RCAN2: variants seen among roughly 807,000 people sequenced by gnomAD.
The protein encoded by RCAN2 is regulator of calcineurin 2.
RCAN2 carries 9 observed loss-of-function variants against 23.6 expected under a neutral mutation model. The observed-to-expected ratio is 0.38, with a 90% confidence interval of 0.23 to 0.67. RCAN2 has a LOEUF of 0.67. RCAN2 is among the 30% of genes least tolerant of loss of function. The probability of loss-of-function intolerance (pLI) is 0.51; values close to 1 mark genes in which losing one functional copy is unlikely to be tolerated. For missense variants in RCAN2, 273 were observed against 302.3 expected (o/e 0.90, Z 0.72); for synonymous variants, 109 against 115.7 (o/e 0.94, Z 0.37).
At chr6:46,329,853 C>G (rs1393438301) in intron 2 of RCAN2, among the ~76,000 whole-genome samples, 1 of 152,200 alleles carries the variant, frequency 6.6e-6, no homozygotes, top group African/African-American at 2.4e-5. Flanking sequence ...CCCTTCAGTT[C>G]AGGCAATTCT....
In RCAN2 at chr6:46,223,303, T is replaced by C; in HGVS notation, c.572-2A>G. 1 of 1,610,982 alleles carries C rather than the reference T, an allele frequency of 6.2e-7. No homozygotes were observed. The highest frequency in any genetic ancestry group is 8.5e-7 in the Non-Finnish European group (1 of 1,178,482). On this transcript the variant is annotated splice_acceptor_variant, in intron 4 of 4. Coordinates refer to ENST00000371374, the MANE Select transcript of RCAN2 (RefSeq NM_001251974.2). LOFTEE classifies it high-confidence loss of function. Reference sequence around the variant, plus strand: ...CTGCATGGAGCTCATACTTCTCTCCTGAAAAGCAAGAAAAATGGAAGTGAG... The same window carrying C: ...CTGCATGGAGCTCATACTTCTCTCCCGAAAAGCAAGAAAAATGGAAGTGAG...
At chr6:46,393,665 C>T (rs1029304042) in intron 2 of RCAN2, among the ~76,000 whole-genome samples, 1 of 152,162 alleles carries the variant, frequency 6.6e-6, no homozygotes, top group African/African-American at 2.4e-5. Flanking sequence ...TTTCTCTCTG[C>T]TCCTGTTTCA....
At chr6:46,415,014 C>T (rs1766665453) in intron 2 of RCAN2, among the ~76,000 whole-genome samples, 1 of 152,154 alleles carries the variant, frequency 6.6e-6, no homozygotes, top group African/African-American at 2.4e-5. Context: ...CCTAGTGGTA[C>T]ATAGTCCTGG....
intron 2 of RCAN2, among the ~76,000 whole-genome samples, chr6:46,453,392 C>A (rs193276884): frequency 6.6e-6 from 1 of 152,346 alleles, no homozygotes; most frequent in Admixed American, 6.5e-5. Flanking sequence ...ACAAGCCTCA[C>A]TGAAGTATGT....
chr6:46,476,924 G>C (rs1312417078), intron 1 of RCAN2, among the ~76,000 whole-genome samples: 1 of 152,114 alleles, frequency 6.6e-6, no homozygotes, highest in Non-Finnish European at 1.5e-5. Context: ...GAAAAGAAAG[G>C]AACTGAAGGT....
chr6:46,300,643 T>C (rs1412299193), intron 2 of RCAN2, among the ~76,000 whole-genome samples: 1 of 152,072 alleles, frequency 6.6e-6, no homozygotes, highest in Non-Finnish European at 1.5e-5. Context: ...TCATATGTTA[T>C]GACATTTATT....
At chr6:46,438,813 T>A (rs557751557) in intron 2 of RCAN2, among the ~76,000 whole-genome samples, 1 of 152,300 alleles carries the variant, frequency 6.6e-6, no homozygotes, top group South Asian at 2.1e-4. Flanking sequence ...ATTTCTTTCA[T>A]CTTTGTACTC....
intron 2 of RCAN2, among the ~76,000 whole-genome samples, chr6:46,418,730 T>TATATAC (rs1160476817): frequency 7.8e-6 from 1 of 127,814 alleles, no homozygotes; most frequent in Admixed American, 8.2e-5. Flanking sequence ...TATATATATA[T>TATATAC]ACAGTTGCAG....
intron 2 of RCAN2, among the ~76,000 whole-genome samples, chr6:46,424,818 G>T (rs7749987): frequency 6.6e-6 from 1 of 152,098 alleles, no homozygotes; most frequent in Non-Finnish European, 1.5e-5. Flanking sequence ...TTAGCACATA[G>T]TAAACAGTTA....
At chr6:46,339,896 G>A (rs1399024849) in intron 2 of RCAN2, among the ~76,000 whole-genome samples, 1 of 151,808 alleles carries the variant, frequency 6.6e-6, no homozygotes, top group African/African-American at 2.4e-5. Flanking sequence ...TACCTCAGTG[G>A]AAAGCCATTC....
intron 2 of RCAN2, among the ~76,000 whole-genome samples, chr6:46,291,897 T>C (rs1762572060): frequency 6.6e-6 from 1 of 152,136 alleles, no homozygotes; most frequent in South Asian, 2.1e-4. Flanking sequence ...GTAAATGATG[T>C]TTTAAGCAGA....
intron 2 of RCAN2, among the ~76,000 whole-genome samples, chr6:46,426,806 A>G (rs1429841238): frequency 6.6e-6 from 1 of 152,232 alleles, no homozygotes; most frequent in African/African-American, 2.4e-5. Context: ...TAACACAGAG[A>G]GAAGCATGGA....
At chr6:46,434,905 T>C (rs1010063145) in intron 2 of RCAN2, among the ~76,000 whole-genome samples, 1 of 152,160 alleles carries the variant, frequency 6.6e-6, no homozygotes, top group African/African-American at 2.4e-5. Context: ...ACACAAAGAA[T>C]TATCAGTCAG....
chr6:46,338,652 T>A (rs12055793), intron 2 of RCAN2, among the ~76,000 whole-genome samples: 64,105 of 151,978 alleles, frequency 0.42, 14,965 homozygotes, highest in East Asian at 0.6. Flanking sequence ...ACCACCAGAT[T>A]TGGCTTTGTG....
chr6:46,281,237 G>A (rs1478977249), intron 2 of RCAN2, among the ~76,000 whole-genome samples: 2 of 152,178 alleles, frequency 1.3e-5, no homozygotes, highest in African/African-American at 4.8e-5. Flanking sequence ...CTGGACATAT[G>A]TCCAGTTTAT....
intron 1 of RCAN2, among the ~76,000 whole-genome samples, chr6:46,462,760 C>A (rs1768257318): frequency 6.6e-6 from 1 of 152,156 alleles, no homozygotes; most frequent in Admixed American, 6.5e-5. Context: ...GAGGAAGAGA[C>A]CTTTAGAAGA....
intron 2 of RCAN2, among the ~76,000 whole-genome samples, chr6:46,300,255 A>G (rs928535898): frequency 1.3e-5 from 2 of 152,004 alleles, no homozygotes. Context: ...AGTAAATTGA[A>G]AGACAAAAAT....
Position 46,252,056 on chromosome 6 carries a change from G to T in RCAN2, c.226-3160C>A, listed in dbSNP as rs368240339. Among the ~76,000 whole-genome samples, 6 of 152,022 alleles carry T rather than the reference G, an allele frequency of 3.9e-5. No individual in the cohort carries two copies. The East Asian group carries it at 9.6e-4, about 24-fold the overall frequency. On this transcript the variant is annotated intron_variant, in intron 2 of 4. Coordinates refer to ENST00000371374, the MANE Select transcript of RCAN2 (RefSeq NM_001251974.2). The stretch of plus-strand genomic sequence containing the variant: ...TTCAGGCCTTTTGGGACCTTTATTT[G>T]TAGGGGTGACAGTTGTCCAAGAATA...
intron 2 of RCAN2, among the ~76,000 whole-genome samples, chr6:46,415,128 T>C (rs1766668938): frequency 6.6e-6 from 1 of 152,182 alleles, no homozygotes; most frequent in African/African-American, 2.4e-5. Flanking sequence ...GATATAACCA[T>C]GGCTACCATT....
Sources: allele counts gnomAD v4.1 joint callset (sites outside exome capture counted in the v4.1 genomes callset), GRCh38; gene constraint gnomAD v4.1.1; transcripts MANE v1.5; gene names NCBI Gene and HGNC (gene_info 2026-07-23, HGNC 2026-07-21).